SHTN1: variants seen among roughly 807,000 people sequenced by gnomAD.
SHTN1 encodes shootin-1.
Under a neutral mutation model 83.1 loss-of-function variants are expected in SHTN1, and 42 were observed. The observed-to-expected ratio is 0.51, with a 90% CI of 0.39 to 0.65. SHTN1 has a LOEUF of 0.65. SHTN1 is among the 30% of genes least tolerant of loss of function. The pLI is 0.00. For synonymous variants in SHTN1, 224 were observed against 247.7 expected (o/e 0.90, Z 0.90); for missense variants, 622 against 737.8 (o/e 0.84, Z 1.82).
intron 9 of SHTN1, among the ~76,000 whole-genome samples, chr10:116,937,139 T>G (rs908122492): frequency 1.3e-5 from 2 of 152,236 alleles, no homozygotes; most frequent in African/African-American, 2.4e-5. Flanking sequence ...TGTCTTTTAA[T>G]TGGGGGCATT....
At chr10:116,929,581 A>G (rs1848874617) in intron 10 of SHTN1, among the ~76,000 whole-genome samples, 1 of 152,190 alleles carries the variant, frequency 6.6e-6, no homozygotes, top group African/African-American at 2.4e-5. Context: ...TTCCTAGGCT[A>G]ACGGTATCTC....
chr10:117,112,115 G>A (rs189769453), intron 1 of SHTN1, among the ~76,000 whole-genome samples: 393 of 152,198 alleles, frequency 2.6e-3, no homozygotes, highest in African/African-American at 9.1e-3. Flanking sequence ...ACAGGCACAC[G>A]CCACCATGCC....
At chr10:117,091,293 A>G (rs779320981) in intron 1 of SHTN1, among the ~76,000 whole-genome samples, 19 of 152,244 alleles carry the variant, frequency 1.2e-4, no homozygotes, top group Non-Finnish European at 2.5e-4. Flanking sequence ...GAAATATCTC[A>G]GATGAGGTAA....
At chr10:117,076,851 T>C (rs1030813214) in intron 1 of SHTN1, among the ~76,000 whole-genome samples, 3 of 152,196 alleles carry the variant, frequency 2.0e-5, no homozygotes, top group Non-Finnish European at 4.4e-5. Context: ...CGAAATTGAC[T>C]TACAAGTTTC....
intron 1 of SHTN1, among the ~76,000 whole-genome samples, chr10:117,069,260 G>A (rs1853046432): frequency 6.6e-6 from 1 of 152,210 alleles, no homozygotes; most frequent in South Asian, 2.1e-4. Context: ...TTAGGAAGCA[G>A]AAGGTTGCAT....
At chr10:116,925,460 A>G (rs982185094) in intron 11 of SHTN1, among the ~76,000 whole-genome samples, 1 of 152,206 alleles carries the variant, frequency 6.6e-6, no homozygotes, top group African/African-American at 2.4e-5. Context: ...CCCAGTTCTC[A>G]GGCCCTTAGA....
At chr10:117,100,389 C>T (rs2133628471) in intron 1 of SHTN1, among the ~76,000 whole-genome samples, 1 of 152,286 alleles carries the variant, frequency 6.6e-6, no homozygotes, top group Admixed American at 6.5e-5. Flanking sequence ...CCCACACAGC[C>T]TAAAATCTTC....
At chr10:116,923,145 A>T (rs1848623371) in intron 11 of SHTN1, among the ~76,000 whole-genome samples, 1 of 152,158 alleles carries the variant, frequency 6.6e-6, no homozygotes, top group Non-Finnish European at 1.5e-5. Context: ...ATCACCATAA[A>T]AGATAGTAAT....
rs573660071 is a variant in SHTN1, at chr10:116,956,406, TAAG to T, written c.268-2199_268-2197del. ...TGTTTCAGTTTTCTCATCAGTAAAC[TAAG>T]AATTAAGATAGTCTGTATCCCACAA... On this transcript the variant is annotated intron_variant, in intron 4 of 16. Coordinates refer to ENST00000355371, the MANE Select transcript of SHTN1 (RefSeq NM_001127211.3). 7.4e-4 allele frequency among the ~76,000 whole-genome samples: 112 copies of T among 152,330 alleles called. 2 individuals are homozygous for T. The South Asian group carries it at 0.022, about 30-fold the overall frequency.
chr10:116,959,682 G>A (rs1850109898), intron 4 of SHTN1, among the ~76,000 whole-genome samples: 1 of 152,182 alleles, frequency 6.6e-6, no homozygotes, highest in Admixed American at 6.6e-5. Context: ...CCTTCAGCAT[G>A]CCCTCGCTTT....
chr10:116,964,819 C>G (rs1164179164), intron 3 of SHTN1, among the ~76,000 whole-genome samples: 3 of 151,964 alleles, frequency 2.0e-5, no homozygotes, highest in Non-Finnish European at 4.4e-5. Flanking sequence ...CCTGTCTATA[C>G]TAAAAATACA....
chr10:116,888,304 G>A (rs972793792), intron 16 of SHTN1, among the ~76,000 whole-genome samples: 1 of 152,050 alleles, frequency 6.6e-6, no homozygotes, highest in African/African-American at 2.4e-5. Flanking sequence ...AGTGGTACCT[G>A]TTTTGACTCT....
At chr10:116,964,434 A>T (rs1850317064) in intron 3 of SHTN1, among the ~76,000 whole-genome samples, 1 of 152,218 alleles carries the variant, frequency 6.6e-6, no homozygotes, top group Non-Finnish European at 1.5e-5. Context: ...AGTCCTTTCT[A>T]ATTCATTATA....
intron 1 of SHTN1, among the ~76,000 whole-genome samples, chr10:117,052,848 T>G (rs184955068): frequency 6.6e-6 from 1 of 150,506 alleles, no homozygotes; most frequent in East Asian, 2.0e-4. Flanking sequence ...TGAAACCCTG[T>G]CTCTACAAAA....
Position 117,005,108 on chromosome 10 carries a change from G to T in SHTN1, c.-29C>A. 1.1e-5 allele frequency: 17 copies of T among 1,579,898 alleles called. No individual in the cohort carries two copies. The highest frequency in any genetic ancestry group is 1.4e-5 in the Non-Finnish European group (16 of 1,162,532). ...GGCGGGTGGGGCCGGGAATAAAAGG[G>T]AAAGAGGGAGCGGCGCGGGGCACAC... On this transcript the variant is annotated 5_prime_UTR_variant, in exon 1 of 17. Coordinates refer to ENST00000355371, the MANE Select transcript of SHTN1 (RefSeq NM_001127211.3).
intron 4 of SHTN1, 121 bp downstream of exon 4, chr10:116,960,015 C>T (rs758510002): frequency 2.7e-5 from 16 of 584,548 alleles, no homozygotes; most frequent in Non-Finnish European, 4.6e-5. Context: ...ACATTTCCCT[C>T]ATCATCAGAG....
chr10:116,939,167 G>A (rs1001114177), intron 9 of SHTN1, among the ~76,000 whole-genome samples: 1 of 152,190 alleles, frequency 6.6e-6, no homozygotes, highest in Non-Finnish European at 1.5e-5. Flanking sequence ...CTTTCCAGGG[G>A]AGTGAATGGT....
intron 1 of SHTN1, among the ~76,000 whole-genome samples, chr10:117,122,224 G>A (rs1365084158): frequency 6.6e-6 from 1 of 151,984 alleles, no homozygotes; most frequent in African/African-American, 2.4e-5. Flanking sequence ...ACCCAGGCTG[G>A]AGTGCAGTAG....
chr10:116,957,256 C>CTTTT (rs374905540), intron 4 of SHTN1, among the ~76,000 whole-genome samples: 1 of 135,170 alleles, frequency 7.4e-6, no homozygotes, highest in Non-Finnish European at 1.6e-5. Flanking sequence ...TATCTTTTTA[C>CTTTT]TTTTTTTTTT....
Sources: allele counts gnomAD v4.1 joint callset (sites outside exome capture counted in the v4.1 genomes callset), GRCh38; gene constraint gnomAD v4.1.1; transcripts MANE v1.5; gene names NCBI Gene and HGNC (gene_info 2026-07-23, HGNC 2026-07-21).